The following C6orf132 variants were observed in gnomAD, a reference collection of about 807,000 sequenced individuals.
C6orf132 encodes chromosome 6 open reading frame 132.
A neutral mutation model predicts 65.3 loss-of-function variants in C6orf132; 43 were observed. That is an observed-to-expected ratio of 0.66 (90% confidence interval 0.52 to 0.85). C6orf132 has a LOEUF of 0.85. Ranked by LOEUF, C6orf132 falls within the 40% of genes least tolerant of loss-of-function variation. The pLI is 0.00. For missense variants in C6orf132, 1,488 were observed against 1,548.8 expected, an observed-to-expected ratio of 0.96 and a Z score of 0.66; for synonymous variants, 631 against 654.1, an observed-to-expected ratio of 0.96 and a Z score of 0.54.
chr6:42,114,347 G>A (rs1407175274), intron 2 of C6orf132, among the ~76,000 whole-genome samples: 2 of 152,178 alleles, frequency 1.3e-5, no homozygotes, highest in African/African-American at 4.8e-5. Context: ...CATCCCTTCA[G>A]AAGCTTCCAG....
chr6:42,135,138 C>T (rs1313416107), intron 1 of C6orf132, among the ~76,000 whole-genome samples: 4 of 152,212 alleles, frequency 2.6e-5, no homozygotes, highest in East Asian at 3.8e-4. Context: ...ATCATGGTGA[C>T]ACCTGTCCCC....
chr6:42,105,389 C>T lies in C6orf132; in HGVS notation c.2523G>A (p.Leu841=). 1 of 1,535,958 alleles carries T rather than the reference C, an allele frequency of 6.5e-7. No homozygotes were observed. Among genetic ancestry groups the T allele is most frequent in the Non-Finnish European group, 8.7e-7 (1 of 1,146,522 alleles). Residue 841 remains leucine, a synonymous_variant, in exon 4 of 5, where the codon CTG becomes CTA. Transcript: ENST00000341865. The stretch of plus-strand genomic sequence containing the variant: ...GAGCCCTCTGCCTGGCCGCCAGGAG[C>T]AGGGCCATCGGCGAGCCCCGCTCCA... The part of the protein sequence containing the change: ...EVVERGSPMA[L]LLAARQRAQK...
At chr6:42,137,858 C>T (rs1297007370) in intron 1 of C6orf132, among the ~76,000 whole-genome samples, 2 of 150,850 alleles carry the variant, frequency 1.3e-5, no homozygotes, top group Admixed American at 6.6e-5. Context: ...AGGTGGATCA[C>T]GAGGTCAGGA....
rs1468284181 is a variant in C6orf132 at position 42,106,908 on chromosome 6, G to A, written c.1004C>T (p.Pro335Leu). The A allele has an allele frequency of 1.3e-6, 2 of 1,536,262 alleles. No individual in the cohort carries two copies. Among genetic ancestry groups the A allele is most frequent in the African/African-American group, 2.7e-5 (2 of 73,016 alleles). The change falls in exon 4 of 5, where the codon CCC becomes CTC. Residue 335 changes from proline to leucine, a missense_variant. Coordinates refer to ENST00000341865, the MANE Select transcript of C6orf132 (RefSeq NM_001164446.3). ...GCTGGGAGGCAGTGGGAGTCGGCTG[G>A]GAGCCTTCTTGGTGGCCCCCTCTTC... ...RKEEGATKKAPSRLPLPPSFH... is the reference protein window; with the variant it reads ...RKEEGATKKALSRLPLPPSFH...
chr6:42,127,748 G>A (rs1007980948), intron 2 of C6orf132, among the ~76,000 whole-genome samples: 26 of 152,290 alleles, frequency 1.7e-4, no homozygotes, highest in African/African-American at 4.3e-4. Flanking sequence ...GGCCTGGGCT[G>A]TCTAGTACAG....
intron 3 of C6orf132, among the ~76,000 whole-genome samples, chr6:42,109,378 G>C (rs941262794): frequency 1.6e-4 from 25 of 152,118 alleles, no homozygotes; most frequent in African/African-American, 6.0e-4. Context: ...GTTGCAGTGA[G>C]CTGAGATCAC....
rs1264101163 is a variant in C6orf132 at position 42,124,667 on chromosome 6, G to C, written c.252+4005C>G. The stretch of plus-strand genomic sequence containing the variant: ...ACCCACCCTGACTTGGTGGGGCTGG[G>C]GGACGGGGTGTGTGCGTGTGCATGT... On this transcript the variant is annotated intron_variant, in intron 2 of 4. Transcript: ENST00000341865. The surrounding 1 kb of genome is among the most constrained non-coding windows in gnomAD (Gnocchi z 4.0). Among the ~76,000 whole-genome samples, 1 of 152,230 alleles carries C rather than the reference G, an allele frequency of 6.6e-6. No homozygotes were observed. The highest frequency in any genetic ancestry group is 1.5e-5 in the Non-Finnish European group (1 of 68,034).
At chr6:42,123,991 G>T (rs927655970) in intron 2 of C6orf132, among the ~76,000 whole-genome samples, 1 of 152,286 alleles carries the variant, frequency 6.6e-6, no homozygotes, top group African/African-American at 2.4e-5. Flanking sequence ...TGGCTTCTCC[G>T]GTGGCCCTCC....
chr6:42,120,457 A>G (rs985351888), intron 2 of C6orf132, among the ~76,000 whole-genome samples: 4 of 151,988 alleles, frequency 2.6e-5, no homozygotes, highest in East Asian at 1.9e-4. Context: ...CGTGTTAGCC[A>G]GGATGGTCTC....
intron 1 of C6orf132, among the ~76,000 whole-genome samples, chr6:42,131,533 C>A (rs1310047331): frequency 6.6e-6 from 1 of 152,210 alleles, no homozygotes; most frequent in Non-Finnish European, 1.5e-5. Context: ...TTCTAAACTA[C>A]CATACATACA....
At chr6:42,127,652 C>T (rs759662723) in intron 2 of C6orf132, among the ~76,000 whole-genome samples, 34 of 152,266 alleles carry the variant, frequency 2.2e-4, no homozygotes, top group African/African-American at 5.8e-4. Flanking sequence ...AAGAGGATGC[C>T]GTGACCCCAG....
chr6:42,119,356 T>TTC (rs1766643037), intron 2 of C6orf132, among the ~76,000 whole-genome samples: 1 of 140,430 alleles, frequency 7.1e-6, no homozygotes, highest in Non-Finnish European at 1.6e-5. Context: ...TTTTTTTTTT[T>TTC]TTTTTTGAGA....
intron 1 of C6orf132, among the ~76,000 whole-genome samples, chr6:42,130,979 A>G (rs1243318731): frequency 1.3e-5 from 2 of 152,100 alleles, no homozygotes; most frequent in Non-Finnish European, 2.9e-5. Flanking sequence ...TGTGCTTCCC[A>G]GGTTCAAGCA....
At chr6:42,120,325 C>T (rs1033022747) in intron 2 of C6orf132, among the ~76,000 whole-genome samples, 1 of 150,152 alleles carries the variant, frequency 6.7e-6, no homozygotes, top group Non-Finnish European at 1.5e-5. Flanking sequence ...CGGCTCACTG[C>T]AAGCTCCGCC....
At chr6:42,136,406 A>C (rs1472843972) in intron 1 of C6orf132, among the ~76,000 whole-genome samples, 2 of 152,218 alleles carry the variant, frequency 1.3e-5, no homozygotes, top group Admixed American at 1.3e-4. Flanking sequence ...TGACTTCAGG[A>C]GCACCGGCTA....
chr6:42,114,590 T>G (rs1766538253), intron 2 of C6orf132, among the ~76,000 whole-genome samples: 1 of 152,194 alleles, frequency 6.6e-6, no homozygotes, highest in African/African-American at 2.4e-5. Flanking sequence ...TGCACTGGCG[T>G]GGATGGTGAC....
Position 42,105,415 on chromosome 6 carries a change from CCACCTCCCCAGT to C in C6orf132, c.2485_2496del (p.Thr829_Val832del), listed in dbSNP as rs1330680771. Reference sequence around the variant, plus strand: ...AGGGCCATCGGCGAGCCCCGCTCCACCACCTCCCCAGTCACCGGGTGCCTGAGGAGTTCATCA... The same window carrying C: ...AGGGCCATCGGCGAGCCCCGCTCCACCACCGGGTGCCTGAGGAGTTCATCA... On this transcript the variant is annotated inframe_deletion, in exon 4 of 5. Transcript: ENST00000341865. 5.9e-6 allele frequency: 9 copies of C among 1,535,476 alleles called. No homozygotes were observed. The Admixed American group carries it at 1.8e-4, about 30-fold the overall frequency.
At chr6:42,141,685 C>A (rs368368319) in intron 1 of C6orf132, among the ~76,000 whole-genome samples, 5 of 152,168 alleles carry the variant, frequency 3.3e-5, no homozygotes, top group African/African-American at 4.8e-5. Context: ...CTGGCAGGAG[C>A]CTGTGGCCCC....
intron 2 of C6orf132, chr6:42,126,961 G>T (rs6940849): frequency 0.99 from 261,807 of 264,014 alleles, 129,842 homozygotes; most frequent in East Asian, 1. Context: ...GACTCATTTG[G>T]TTTTTTTCTT....
Sources: allele counts gnomAD v4.1 joint callset (sites outside exome capture counted in the v4.1 genomes callset), GRCh38; gene constraint gnomAD v4.1.1; non-coding constraint Gnocchi (gnomAD v3.1); transcripts MANE v1.5; gene names NCBI Gene and HGNC (gene_info 2026-07-23, HGNC 2026-07-21).